The following TNKS variants were observed in gnomAD, a reference collection of about 807,000 sequenced individuals.
TNKS encodes poly [ADP-ribose] polymerase tankyrase-1.
TNKS carries 72 observed loss-of-function variants against 135.8 expected under a neutral mutation model. The ratio of observed to expected loss-of-function variants is 0.53; its 90% CI spans 0.44 to 0.64. The LOEUF is 0.64. Among genes scored for constraint, TNKS ranks in the 30% least tolerant of loss-of-function variants. TNKS has a pLI of 0.00. For synonymous variants in TNKS, 849 were observed against 649.3 expected (o/e 1.31, Z -4.68); for missense variants, 1,769 against 1,674.0 (o/e 1.06, Z -0.99).
chr8:9,575,172 C>T (rs1384752538), intron 1 of TNKS: 43 of 722,930 alleles, frequency 5.9e-5, no homozygotes, highest in Non-Finnish European at 6.9e-5. Context: ...TTGCAAGCTC[C>T]GCCTCCCGGG....
chr8:9,754,721 T>C, intron 20 of TNKS, among the ~76,000 whole-genome samples: 1 of 152,118 alleles, frequency 6.6e-6, no homozygotes, highest in Non-Finnish European at 1.5e-5. Flanking sequence ...GTTCAGAGAG[T>C]TAAAATCCTC....
intron 5 of TNKS, among the ~76,000 whole-genome samples, chr8:9,694,010 G>C (rs971214448): frequency 6.6e-6 from 1 of 152,182 alleles, no homozygotes; most frequent in African/African-American, 2.4e-5. Context: ...AGTTGGTCTA[G>C]GCCAAACTGG....
chr8:9,669,404 G>A (rs553470492), intron 3 of TNKS, among the ~76,000 whole-genome samples: 73 of 136,948 alleles, frequency 5.3e-4, no homozygotes, highest in Admixed American at 5.5e-4. Flanking sequence ...CGGCCTGCGC[G>A]ACAGAGCGAG....
intron 2 of TNKS, among the ~76,000 whole-genome samples, chr8:9,603,000 A>C (rs1799074610): frequency 6.6e-6 from 1 of 152,198 alleles, no homozygotes; most frequent in Admixed American, 6.5e-5. Context: ...AGGTGTCCTA[A>C]ATATATTAAA....
At chr8:9,775,107 G>A (rs562653975) in intron 26 of TNKS, among the ~76,000 whole-genome samples, 3 of 152,126 alleles carry the variant, frequency 2.0e-5, no homozygotes, top group Non-Finnish European at 4.4e-5. Context: ...TAAGCCACCT[G>A]GTTGATTAAT....
chr8:9,703,736 C>T (rs1332301019), intron 5 of TNKS, among the ~76,000 whole-genome samples: 1 of 152,032 alleles, frequency 6.6e-6, no homozygotes, highest in Non-Finnish European at 1.5e-5. Flanking sequence ...CTCAAGACCC[C>T]AAATAGAAGA....
At position 9,779,612 on chromosome 8, in the gene TNKS, G is replaced by C. The variant is rs1337339909; in HGVS notation, c.*2876G>C. 1.3e-5 allele frequency: 2 copies of C among 152,012 alleles called. No individual in the cohort carries two copies. The highest frequency in any genetic ancestry group is 4.8e-5 in the African/African-American group (2 of 41,366). The allele number at this position is 152,012 out of a possible 1,614,324, so 9.4% of individuals were successfully genotyped here. A position where few individuals can be genotyped will look rare whatever the true frequency, so the allele number is the denominator to read the frequency against. The stretch of plus-strand genomic sequence containing the variant: ...TCCTTCCCTCTTTCCTAAATTACTA[G>C]TCTGGAATTAAAATTAGCTCCAGCA... On this transcript the variant is annotated 3_prime_UTR_variant, in exon 27 of 27. Transcript: ENST00000310430.
intron 20 of TNKS, among the ~76,000 whole-genome samples, chr8:9,753,225 T>G (rs997966922): frequency 1.3e-5 from 2 of 152,206 alleles, no homozygotes; most frequent in African/African-American, 4.8e-5. Flanking sequence ...TGTCCTTGGT[T>G]GTTTGTTTCC....
intron 3 of TNKS, among the ~76,000 whole-genome samples, chr8:9,631,402 G>T (rs537113817): frequency 2.6e-5 from 4 of 152,254 alleles, no homozygotes; most frequent in African/African-American, 9.6e-5. Context: ...TTCACATCAT[G>T]CTTATAAGTC....
chr8:9,679,906 G>C, intron 3 of TNKS, 45 bp from the exon 4 acceptor site: 1 of 1,535,040 alleles, frequency 6.5e-7, no homozygotes, highest in Non-Finnish European at 9.0e-7. Context: ...TTCTTAATCT[G>C]TCTTCTGCCA....
chr8:9,589,539 A>G (rs1450602189), intron 2 of TNKS, among the ~76,000 whole-genome samples: 1 of 152,134 alleles, frequency 6.6e-6, no homozygotes, highest in Non-Finnish European at 1.5e-5. Flanking sequence ...CTTCAAGTCC[A>G]CTCTTGTTGC....
At chr8:9,694,619 G>A (rs756576216) in intron 5 of TNKS, among the ~76,000 whole-genome samples, 17 of 151,928 alleles carry the variant, frequency 1.1e-4, no homozygotes, top group Non-Finnish European at 2.2e-4. Flanking sequence ...AAAATTAGCC[G>A]GGTGTGGTGG....
At chr8:9,565,944 A>T (rs1797515412) in intron 1 of TNKS, among the ~76,000 whole-genome samples, 1 of 152,206 alleles carries the variant, frequency 6.6e-6, no homozygotes, top group African/African-American at 2.4e-5. Flanking sequence ...TTTTGTGTCT[A>T]CATGTATATA....
At chr8:9,646,629 A>G (rs1435844790) in intron 3 of TNKS, among the ~76,000 whole-genome samples, 1 of 152,212 alleles carries the variant, frequency 6.6e-6, no homozygotes, top group East Asian at 1.9e-4. Flanking sequence ...AAACTCATGG[A>G]ATCTCAAGGT....
chr8:9,633,117 A>C (rs1800362155), intron 3 of TNKS, among the ~76,000 whole-genome samples: 1 of 152,192 alleles, frequency 6.6e-6, no homozygotes, highest in African/African-American at 2.4e-5. Context: ...GCACTGAAGA[A>C]ATGCATGGTG....
intron 2 of TNKS, among the ~76,000 whole-genome samples, chr8:9,587,903 T>C (rs1203432410): frequency 1.3e-5 from 2 of 152,054 alleles, no homozygotes; most frequent in African/African-American, 4.8e-5. Context: ...CTGAAAAGAG[T>C]AGTAGAATGT....
intron 1 of TNKS, among the ~76,000 whole-genome samples, chr8:9,572,480 A>G (rs1020050755): frequency 6.6e-6 from 1 of 152,060 alleles, no homozygotes; most frequent in African/African-American, 2.4e-5. Context: ...CTCTCTTCCC[A>G]TCCTCTATCT....
At chr8:9,722,035 T>C (rs1320320247) in intron 12 of TNKS, among the ~76,000 whole-genome samples, 1 of 145,142 alleles carries the variant, frequency 6.9e-6, no homozygotes, top group African/African-American at 2.6e-5. Context: ...CCAGCCTGGG[T>C]GACAGAGCGA....
chr8:9,769,024 C>T (rs1453018565), intron 25 of TNKS, among the ~76,000 whole-genome samples: 1 of 152,196 alleles, frequency 6.6e-6, no homozygotes, highest in Middle Eastern at 3.2e-3. Flanking sequence ...ACAGTGTGAT[C>T]ATTTGTACTA....
Sources: gnomAD v4.1 joint callset for allele counts (sites outside exome capture counted in the v4.1 genomes callset) on GRCh38, gnomAD v4.1.1 for gene constraint, MANE v1.5 for transcripts, NCBI Gene and HGNC (gene_info 2026-07-23, HGNC 2026-07-21) for gene names.